The following ZHX1 variants were observed in gnomAD, a reference collection of about 807,000 sequenced individuals.
ZHX1 encodes zinc fingers and homeoboxes protein 1.
In ZHX1, 20 loss-of-function variants were observed where a neutral mutation model predicts 61.8. The observed-to-expected ratio is 0.32, with a 90% CI of 0.23 to 0.47. The LOEUF (loss-of-function observed/expected upper bound fraction) is 0.47, where lower values mean the gene tolerates loss of function less well. Ranked by LOEUF, ZHX1 falls within the 20% of genes least tolerant of loss-of-function variation. The probability of loss-of-function intolerance (pLI) is 1.00; values close to 1 mark genes in which losing one functional copy is unlikely to be tolerated. For missense variants in ZHX1, 800 were observed against 1,034.8 expected (o/e 0.77, Z 3.11); for synonymous variants, 318 against 352.6 (o/e 0.90, Z 1.10).
At position 123,253,776 on chromosome 8, in the gene ZHX1, T is replaced by C. The variant is rs956537213; in HGVS notation, c.2171A>G (p.Tyr724Cys). ...AWKNGNLKWY[Y>C]YYQSANSSSM... ...ACTTGAATTGGCGCTCTGATAGTAG[T>C]AGTACCATTTCAAGTTTCCATTCTT... is the stretch of plus-strand genomic sequence containing the variant. Residue 724 changes from tyrosine (Y) to cysteine (C), a missense_variant, in exon 3 of 4, where the codon TAC (tyrosine) becomes TGC (cysteine). Transcript: ENST00000395571. The C allele has an allele frequency of 4.3e-6, 7 of 1,614,096 alleles. No individual in the cohort carries two copies. The highest frequency in any genetic ancestry group is 4.2e-6 in the Non-Finnish European group (5 of 1,180,034).
intron 2 of ZHX1, among the ~76,000 whole-genome samples, chr8:123,266,543 A>G (rs1053254652): frequency 1.3e-5 from 2 of 152,218 alleles, no homozygotes; most frequent in Admixed American, 1.3e-4. Context: ...ATCTAAAATA[A>G]CAATAGGACA....
rs1399650946 is a variant in ZHX1 at position 123,253,485 on chromosome 8, C to A, written c.2462G>T (p.Arg821Ile). The A allele has an allele frequency of 6.2e-7, 1 of 1,614,146 alleles. No individual in the cohort carries two copies. Among genetic ancestry groups the A allele is most frequent in the Non-Finnish European group, 8.5e-7 (1 of 1,180,002 alleles). The change falls in exon 3 of 4, where the codon AGA becomes ATA. Residue 821 changes from arginine (R) to isoleucine (I), a missense_variant. By Grantham distance (97) the Arg-to-Ile change is moderately conservative (BLOSUM62 -3). Transcript: ENST00000395571. Reference protein sequence around the residue: ...YEQVREWFAERQRRSELGIEL... With the variant: ...YEQVREWFAEIQRRSELGIEL... ...TATACCTAATTCTGATCTTCTCTGT[C>A]TTTCTGCAAACCACTCTCTGACCTG...
chr8:123,250,327 A>C lies in ZHX1; in HGVS notation c.*4-7T>G, dbSNP rs1219063752. Reference sequence around the variant, plus strand: ...CCTTCAACGTTTTAGGCAGCTAAAAAAGAAAAACATCATAAAAAACTGAAA... The same window carrying C: ...CCTTCAACGTTTTAGGCAGCTAAAACAGAAAAACATCATAAAAAACTGAAA... On this transcript the variant is annotated splice_region_variant and splice_polypyrimidine_tract_variant and intron_variant, in intron 3 of 3. Coordinates refer to ENST00000395571, the MANE Select transcript of ZHX1 (RefSeq NM_007222.5). The C allele has an allele frequency of 2.6e-6, 1 of 384,208 alleles. No individual in the cohort carries two copies. Among genetic ancestry groups the C allele is most frequent in the African/African-American group, 2.1e-5 (1 of 46,702 alleles). The allele number at this position is 384,208 out of a possible 1,614,324, so 23.8% of individuals were successfully genotyped here.
Position 123,254,441 on chromosome 8 carries a change from G to T in ZHX1, c.1506C>A (p.Gly502=), listed in dbSNP as rs748437975. The change falls in exon 3 of 4, where the codon GGC becomes GGA. Residue 502 remains glycine, a synonymous_variant. Coordinates refer to ENST00000395571, the MANE Select transcript of ZHX1 (RefSeq NM_007222.5). The surrounding 1 kb of genome is among the most constrained non-coding windows in gnomAD (Gnocchi z 4.1). ...ATTTTTTAATCTCTCCTTTCGTCAG[G>T]CCTGTTATTTTCATAAGTCTGATAA... ...SEIIRLMKIT[G]LTKGEIKKWF... The T allele has an allele frequency of 7.4e-6, 12 of 1,613,932 alleles. No individual in the cohort carries two copies. Among genetic ancestry groups the T allele is most frequent in the African/African-American group, 4.0e-5 (3 of 74,876 alleles).
intron 1 of ZHX1, among the ~76,000 whole-genome samples, chr8:123,268,434 A>G (rs1301572259): frequency 6.6e-6 from 1 of 152,190 alleles, no homozygotes; most frequent in Non-Finnish European, 1.5e-5. Context: ...TAAAGCTACA[A>G]TTGCTTTTCT....
chr8:123,253,301 T>C, intron 3 of ZHX1, 21 bp downstream of exon 3: 1 of 1,562,790 alleles, frequency 6.4e-7, no homozygotes, highest in South Asian at 1.2e-5. Context: ...TATACGCAGA[T>C]TAAAAATTTT....
intron 2 of ZHX1, among the ~76,000 whole-genome samples, chr8:123,258,614 G>C (rs754091508): frequency 6.6e-6 from 1 of 152,048 alleles, no homozygotes; most frequent in Non-Finnish European, 1.5e-5. Flanking sequence ...AATTTAGGGA[G>C]GTAATCACTC....
chr8:123,260,608 C>CA (rs1826220257), intron 2 of ZHX1, among the ~76,000 whole-genome samples: 2 of 149,458 alleles, frequency 1.3e-5, no homozygotes, highest in Admixed American at 1.3e-4. Flanking sequence ...AAAAAAAAAA[C>CA]AAAAAACAAA....
In ZHX1 at chr8:123,255,205, T is replaced by C. The variant is rs965804264; in HGVS notation, c.742A>G (p.Ser248Gly). The change falls in exon 3 of 4, where the codon AGC becomes GGC. Residue 248 changes from serine (S) to glycine (G), a missense_variant. Physicochemically the swap from Ser to Gly is moderately conservative, Grantham distance 56. Transcript: ENST00000395571. ...IVNRIHPSTA[S>G]TVVTPAAVLP... ...ACTGCTGCTGGTGTCACTACCGTGCTGGCAGTACTTGGATGTATTCTGTTT... is the reference window on the plus strand; with the variant it reads ...ACTGCTGCTGGTGTCACTACCGTGCCGGCAGTACTTGGATGTATTCTGTTT... 1.9e-6 allele frequency: 3 copies of C among 1,614,200 alleles called. No individual in the cohort carries two copies. The African/African-American group carries it at 4.0e-5, about 22-fold the overall frequency.
At position 123,274,270 on chromosome 8, in the gene ZHX1, A is replaced by C. The variant is rs1413321207; in HGVS notation, c.-393T>G. Reference sequence around the variant, plus strand: ...CACGCCGCCGCCATCTTGCATTTCAAACCGGCTGCACTTTTCAGGGAGTCA... The same window carrying C: ...CACGCCGCCGCCATCTTGCATTTCACACCGGCTGCACTTTTCAGGGAGTCA... On this transcript the variant is annotated 5_prime_UTR_variant, in exon 1 of 4. Coordinates refer to ENST00000395571, the MANE Select transcript of ZHX1 (RefSeq NM_007222.5). 6.5e-6 allele frequency: 1 copy of C among 152,836 alleles called. No individual in the cohort carries two copies. Among genetic ancestry groups the C allele is most frequent in the Non-Finnish European group, 1.5e-5 (1 of 68,644 alleles). The allele number at this position is 152,836 out of a possible 1,614,324, so 9.5% of individuals were successfully genotyped here.
Position 123,255,134 on chromosome 8 carries a change from C to G in ZHX1, c.813G>C (p.Gln271His). The G allele has an allele frequency of 6.2e-7, 1 of 1,614,212 alleles. No individual in the cohort carries two copies. ...AQVITAVSAQ[Q>H]NSNLIPKVLI... ...AGACTTTGGGAATCAAATTAGAATT[C>G]TGCTGAGCAGATACAGCAGTTATCA... is the stretch of plus-strand genomic sequence containing the variant. The change falls in exon 3 of 4, where the codon CAG (glutamine) becomes CAC (histidine). Residue 271 changes from glutamine to histidine, a missense_variant. Physicochemically the swap from Gln to His is conservative, Grantham distance 24. Transcript: ENST00000395571.
At chr8:123,262,812 C>CA (rs941285143) in intron 2 of ZHX1, 5 of 151,508 alleles carry the variant, frequency 3.3e-5, no homozygotes, top group African/African-American at 1.2e-4. Context: ...ATTATTAAGG[C>CA]AAAAAACATG....
intron 2 of ZHX1, among the ~76,000 whole-genome samples, chr8:123,265,561 T>C (rs1826429175): frequency 6.6e-6 from 1 of 152,314 alleles, no homozygotes; most frequent in Admixed American, 6.5e-5. Flanking sequence ...ACAATTAAGG[T>C]ATTTTCAAAG....
chr8:123,255,826 T>C lies in ZHX1; in HGVS notation c.121A>G (p.Thr41Ala), dbSNP rs778536893. The change falls in exon 3 of 4, where the codon ACC (threonine) becomes GCC (alanine). Residue 41 changes from threonine to alanine, a missense_variant. Physicochemically the swap from Thr to Ala is moderately conservative, Grantham distance 58. Transcript: ENST00000395571. Reference sequence around the variant, plus strand: ...TCACTTGAGATACTCTCTGCTCTGGTGTTTTCTACAGGTGTAAGCACAGGA... The same window carrying C: ...TCACTTGAGATACTCTCTGCTCTGGCGTTTTCTACAGGTGTAAGCACAGGA... ...GPPVLTPVEN[T>A]RAESISSDEE... The C allele has an allele frequency of 6.2e-7, 1 of 1,614,216 alleles. No individual in the cohort carries two copies. The highest frequency in any genetic ancestry group is 1.7e-5 in the Admixed American group (1 of 60,030).
chr8:123,252,629 C>CA (rs1469314201), intron 3 of ZHX1: 1 of 152,166 alleles, frequency 6.6e-6, no homozygotes, highest in African/African-American at 2.4e-5. Flanking sequence ...TTTTCAAAGA[C>CA]AGATGCCGCC....
In ZHX1 at chr8:123,254,113, T is replaced by A; in HGVS notation, c.1834A>T (p.Ile612Phe). ...TTCTTCTCTGTAAACCAAGCATCGA[T>A]TTCTCTTCTGGTAAGTTTGGTTTGT... Reference protein sequence around the residue: ...RAQTKLTRREIDAWFTEKKKS... With the variant: ...RAQTKLTRREFDAWFTEKKKS... Residue 612 changes from isoleucine (I) to phenylalanine (F), a missense_variant, in exon 3 of 4, where the codon ATC (isoleucine) becomes TTC (phenylalanine). Coordinates refer to ENST00000395571, the MANE Select transcript of ZHX1 (RefSeq NM_007222.5). This position sits in a 1 kb window ranked among gnomAD's most constrained non-coding sequence, Gnocchi z 4.1. 1.2e-6 allele frequency: 2 copies of A among 1,614,162 alleles called. No individual in the cohort carries two copies. The highest frequency in any genetic ancestry group is 1.7e-6 in the Non-Finnish European group (2 of 1,180,024).
intron 2 of ZHX1, among the ~76,000 whole-genome samples, chr8:123,260,852 T>A (rs1340224992): frequency 6.6e-6 from 1 of 151,668 alleles, no homozygotes; most frequent in East Asian, 2.0e-4. Flanking sequence ...TGAAACCCCA[T>A]CTCTACTAAA....
At chr8:123,270,785 C>CA (rs57900168) in intron 1 of ZHX1, among the ~76,000 whole-genome samples, 2,511 of 57,790 alleles carry the variant, frequency 0.043, 66 homozygotes, top group African/African-American at 0.1. Flanking sequence ...GACCCCGTCT[C>CA]AAAAAAAAAA....
chr8:123,269,619 G>T (rs1056193676), intron 1 of ZHX1, among the ~76,000 whole-genome samples: 62 of 152,302 alleles, frequency 4.1e-4, no homozygotes, highest in Non-Finnish European at 1.5e-5. Flanking sequence ...CTTACTAGCT[G>T]TGTGACTTTA....
Sources: allele counts gnomAD v4.1 joint callset (sites outside exome capture counted in the v4.1 genomes callset), GRCh38; gene constraint gnomAD v4.1.1; non-coding constraint Gnocchi (gnomAD v3.1); transcripts MANE v1.5; gene names NCBI Gene and HGNC (gene_info 2026-07-23, HGNC 2026-07-21).